The following MPPED1 variants were observed in gnomAD, a reference collection of about 807,000 sequenced individuals.
MPPED1 encodes metallophosphoesterase domain containing 1.
Under a neutral mutation model 36.2 loss-of-function variants are expected in MPPED1, and 16 were observed. The observed-to-expected ratio is 0.44, with a 90% CI of 0.30 to 0.67. MPPED1 has a LOEUF of 0.67. Ranked by LOEUF, MPPED1 falls within the 30% of genes least tolerant of loss-of-function variation. The pLI, the probability that MPPED1 is intolerant of heterozygous loss-of-function variation, is 0.10. For synonymous variants in MPPED1, 199 were observed against 191.3 expected (o/e 1.04, Z -0.33); for missense variants, 307 against 453.4 (o/e 0.68, Z 2.93).
At chr22:43,491,413 A>G (rs1602011584) in intron 4 of MPPED1, among the ~76,000 whole-genome samples, 1 of 147,150 alleles carries the variant, frequency 6.8e-6, no homozygotes, top group African/African-American at 2.5e-5. Context: ...ATGATGGTGG[A>G]GGTGATGGAG....
intron 4 of MPPED1, among the ~76,000 whole-genome samples, chr22:43,476,170 C>T (rs1466479751): frequency 6.6e-6 from 1 of 152,162 alleles, no homozygotes; most frequent in Non-Finnish European, 1.5e-5. Context: ...TAAACCTTAT[C>T]TCTAATCCTT....
At position 43,507,343 on chromosome 22, in the gene MPPED1, G is replaced by C. The variant is rs1331642668; in HGVS notation, c.*1727G>C. The stretch of plus-strand genomic sequence containing the variant: ...CCTGGGTGCAGCATCCTAGCATCCT[G>C]GGAGTCCTTTTCTGCCCACACTGAG... On this transcript the variant is annotated 3_prime_UTR_variant, in exon 7 of 7. Coordinates refer to ENST00000443721, the MANE Select transcript of MPPED1 (RefSeq NM_001044370.2). The C allele has an allele frequency of 6.6e-6, 1 of 152,256 alleles. No individual in the cohort carries two copies. Among genetic ancestry groups the C allele is most frequent in the Non-Finnish European group, 1.5e-5 (1 of 68,082 alleles). 9.4% of individuals were successfully genotyped at this position (152,256 alleles called of 1,614,324 possible). A position where few individuals can be genotyped will look rare whatever the true frequency, so the allele number is the denominator to read the frequency against.
intron 4 of MPPED1, among the ~76,000 whole-genome samples, chr22:43,491,910 G>A (rs1009459187): frequency 1.3e-5 from 2 of 150,446 alleles, no homozygotes; most frequent in Non-Finnish European, 3.0e-5. Flanking sequence ...GTTGGAGGTG[G>A]TGGTAATGGA....
intron 3 of MPPED1, among the ~76,000 whole-genome samples, chr22:43,469,245 G>C (rs560444227): frequency 6.6e-6 from 1 of 152,194 alleles, no homozygotes; most frequent in African/African-American, 2.4e-5. Context: ...CAGCAGGAAA[G>C]GGCAAAGAGA....
In MPPED1 at chr22:43,486,086, C is replaced by T. The variant is rs186851271; in HGVS notation, c.632+11125C>T. Among the ~76,000 whole-genome samples the T allele has an allele frequency of 3.3e-5, 5 of 152,316 alleles. No homozygotes were observed. In the East Asian group the frequency reaches 7.7e-4, roughly 24 times the overall value. On this transcript the variant is annotated intron_variant, in intron 4 of 6. Transcript: ENST00000443721. ...GACTGGGCAGAGGACAGAGGAAGTT[C>T]GGACAGTGGGACATCCCCAGGAGAC...
At chr22:43,500,055 G>A (rs1293297582) in intron 5 of MPPED1, among the ~76,000 whole-genome samples, 1 of 117,090 alleles carries the variant, frequency 8.5e-6, no homozygotes, top group Non-Finnish European at 1.7e-5. Context: ...GATGGGGGTG[G>A]TGGTGGTGAT....
At chr22:43,435,920 A>C (rs1176270111) in intron 3 of MPPED1, among the ~76,000 whole-genome samples, 3 of 152,160 alleles carry the variant, frequency 2.0e-5, no homozygotes, top group African/African-American at 7.2e-5. Context: ...TGAGTGACAC[A>C]CAGAATGGTG....
At chr22:43,452,448 C>T (rs1334945404) in intron 3 of MPPED1, among the ~76,000 whole-genome samples, 1 of 152,172 alleles carries the variant, frequency 6.6e-6, no homozygotes, top group Non-Finnish European at 1.5e-5. Context: ...TGTGTGTCTC[C>T]CTCCACAACC....
intron 4 of MPPED1, among the ~76,000 whole-genome samples, chr22:43,493,318 T>C (rs886290837): frequency 7.2e-5 from 11 of 152,226 alleles, no homozygotes; most frequent in Admixed American, 3.9e-4. Flanking sequence ...AGGAGGTGCA[T>C]TGGGCACCTG....
chr22:43,459,573 G>T (rs79867512), intron 3 of MPPED1, among the ~76,000 whole-genome samples: 7,218 of 152,190 alleles, frequency 0.047, 437 homozygotes, highest in African/African-American at 0.14. Context: ...CTTCAGGTTT[G>T]CTCATTCTTT....
intron 3 of MPPED1, among the ~76,000 whole-genome samples, chr22:43,470,206 A>G (rs907418716): frequency 1.3e-5 from 2 of 151,164 alleles, no homozygotes; most frequent in African/African-American, 4.9e-5. Flanking sequence ...CCATCTATCC[A>G]TTCATCCATC....
chr22:43,412,082 C>A lies in MPPED1; in HGVS notation c.-155C>A, dbSNP rs1016912530. Reference sequence around the variant, plus strand: ...AGCCCCCGCCCCTGCGCGCCTCCCTCCCGGGAGCCCCTGCCTCCCTCGGTG... The same window carrying A: ...AGCCCCCGCCCCTGCGCGCCTCCCTACCGGGAGCCCCTGCCTCCCTCGGTG... On this transcript the variant is annotated 5_prime_UTR_variant, in exon 1 of 7. Transcript: ENST00000443721. The A allele has an allele frequency of 1.8e-5, 18 of 979,562 alleles. No individual in the cohort carries two copies. The Admixed American group carries it at 1.0e-3, about 55-fold the overall frequency. 60.7% of individuals were successfully genotyped at this position (979,562 alleles called of 1,614,324 possible).
intron 1 of MPPED1, among the ~76,000 whole-genome samples, chr22:43,423,084 G>C (rs556333362): frequency 1.3e-5 from 2 of 152,126 alleles, no homozygotes; most frequent in African/African-American, 4.8e-5. Flanking sequence ...TGATCCGCCC[G>C]TCTCAGCCTC....
At chr22:43,424,343 A>T (rs1161757753) in intron 1 of MPPED1, among the ~76,000 whole-genome samples, 1 of 152,076 alleles carries the variant, frequency 6.6e-6, no homozygotes, top group Non-Finnish European at 1.5e-5. Context: ...GGGCACCACT[A>T]AAAGATATCT....
intron 5 of MPPED1, among the ~76,000 whole-genome samples, chr22:43,499,641 G>T (rs572621770): frequency 0.019 from 2,312 of 121,252 alleles, 121 homozygotes; most frequent in Middle Eastern, 0.024. Flanking sequence ...GGTGGAGGTG[G>T]TGGTGGTGGT....
At chr22:43,497,816 G>A (rs563494538) in intron 4 of MPPED1, among the ~76,000 whole-genome samples, 5 of 149,760 alleles carry the variant, frequency 3.3e-5, no homozygotes, top group African/African-American at 1.3e-4. Flanking sequence ...GGATGGAGGG[G>A]CATCTTCCTG....
intron 5 of MPPED1, among the ~76,000 whole-genome samples, chr22:43,498,693 G>A (rs935333354): frequency 2.4e-4 from 37 of 151,874 alleles, no homozygotes; most frequent in African/African-American, 6.5e-4. Flanking sequence ...GGCTTCCTCC[G>A]GGCAGCCCTA....
At chr22:43,490,719 G>T (rs1035628792) in intron 4 of MPPED1, among the ~76,000 whole-genome samples, 31 of 152,246 alleles carry the variant, frequency 2.0e-4, no homozygotes, top group Non-Finnish European at 1.2e-4. Context: ...GGCACCACCA[G>T]AAATGTGTTG....
At chr22:43,437,054 C>T (rs1929986224) in intron 3 of MPPED1, among the ~76,000 whole-genome samples, 3 of 152,186 alleles carry the variant, frequency 2.0e-5, no homozygotes, top group African/African-American at 7.2e-5. Flanking sequence ...ATGTCAGGAC[C>T]CTCACTCAAG....
Sources: gnomAD v4.1 joint callset for allele counts (sites outside exome capture counted in the v4.1 genomes callset) on GRCh38, gnomAD v4.1.1 for gene constraint, MANE v1.5 for transcripts, NCBI Gene and HGNC (gene_info 2026-07-23, HGNC 2026-07-21) for gene names.